Variants in ZBTB20 observed in about 807,000 individuals in gnomAD.
ZBTB20 encodes the protein zinc finger and BTB domain-containing protein 20.
Under a neutral mutation model 56.9 loss-of-function variants are expected in ZBTB20, and 9 were observed. The observed-to-expected ratio is 0.16, with a 90% CI of 0.10 to 0.28. ZBTB20 has a LOEUF of 0.28. ZBTB20 is among the 10% of genes least tolerant of loss of function. The pLI is 1.00. For missense variants in ZBTB20, 655 were observed against 1,003.0 expected (o/e 0.65, Z 4.69); for synonymous variants, 417 against 420.7 (o/e 0.99, Z 0.11).
At chr3:114,567,119 G>A (rs1395342754) in intron 6 of ZBTB20, among the ~76,000 whole-genome samples, 1 of 152,156 alleles carries the variant, frequency 6.6e-6, no homozygotes, top group African/African-American at 2.4e-5. Context: ...CACACAGGGT[G>A]TTATGTGTGT....
intron 5 of ZBTB20, among the ~76,000 whole-genome samples, chr3:114,752,122 A>C (rs993668570): frequency 8.5e-5 from 13 of 152,210 alleles, no homozygotes; most frequent in African/African-American, 2.9e-4. Flanking sequence ...ATATTACATG[A>C]GGTAAGTACC....
chr3:114,926,463 A>G (rs912410879), intron 3 of ZBTB20, among the ~76,000 whole-genome samples: 5 of 151,944 alleles, frequency 3.3e-5, no homozygotes, highest in Non-Finnish European at 5.9e-5. Context: ...AAGAAGCAAA[A>G]CTCTTGTATT....
At chr3:115,018,042 T>C (rs567857956) in intron 2 of ZBTB20, among the ~76,000 whole-genome samples, 2 of 151,674 alleles carry the variant, frequency 1.3e-5, no homozygotes, top group South Asian at 4.1e-4. Flanking sequence ...TTGTTGTTTT[T>C]TTAATCTCTT....
intron 1 of ZBTB20, among the ~76,000 whole-genome samples, chr3:115,128,479 C>A (rs183820680): frequency 2.0e-5 from 3 of 151,932 alleles, no homozygotes; most frequent in East Asian, 1.9e-4. Flanking sequence ...GCCTGGCCAA[C>A]ATGGTGAAAG....
intron 2 of ZBTB20, among the ~76,000 whole-genome samples, chr3:115,039,072 G>A (rs2081043552): frequency 6.6e-6 from 1 of 151,996 alleles, no homozygotes; most frequent in Non-Finnish European, 1.5e-5. Flanking sequence ...TCAACCATGT[G>A]ATATGGGTAC....
At chr3:114,403,860 C>T (rs888440792) in intron 7 of ZBTB20, among the ~76,000 whole-genome samples, 7 of 152,048 alleles carry the variant, frequency 4.6e-5, no homozygotes, top group African/African-American at 1.4e-4. Flanking sequence ...TCCCCAGCCA[C>T]GTTTGTAATC....
chr3:114,607,967 C>T (rs958293186), intron 6 of ZBTB20, among the ~76,000 whole-genome samples: 2 of 152,112 alleles, frequency 1.3e-5, no homozygotes, highest in Non-Finnish European at 2.9e-5. Flanking sequence ...TTTAACAGTA[C>T]AACTGAAGTG....
chr3:114,903,139 G>A (rs2075189723), intron 3 of ZBTB20, among the ~76,000 whole-genome samples: 1 of 152,098 alleles, frequency 6.6e-6, no homozygotes, highest in East Asian at 1.9e-4. Context: ...ATGAGGTAGG[G>A]TGGTAGTTAA....
intron 6 of ZBTB20, among the ~76,000 whole-genome samples, chr3:114,632,921 C>T (rs1476623719): frequency 6.6e-6 from 1 of 152,142 alleles, no homozygotes; most frequent in African/African-American, 2.4e-5. Context: ...GTGCAGTGCG[C>T]ACCTGTTTAA....
chr3:114,999,724 A>G (rs1290115545), intron 2 of ZBTB20, among the ~76,000 whole-genome samples: 1 of 151,602 alleles, frequency 6.6e-6, no homozygotes, highest in African/African-American at 2.4e-5. Context: ...GTTTCAAGCT[A>G]CATTTAAGTT....
At chr3:114,941,786 T>C (rs2076730327) in intron 3 of ZBTB20, among the ~76,000 whole-genome samples, 1 of 146,300 alleles carries the variant, frequency 6.8e-6, no homozygotes, top group African/African-American at 2.8e-5. Context: ...GTTCAAGTTT[T>C]ATTAAAACTG....
chr3:114,569,861 T>A (rs11712449), intron 6 of ZBTB20, among the ~76,000 whole-genome samples: 2 of 151,938 alleles, frequency 1.3e-5, no homozygotes, highest in Non-Finnish European at 2.9e-5. Context: ...ATTATTCTTG[T>A]CCATTCTCTC....
At chr3:115,123,704 C>A (rs1215112330) in intron 1 of ZBTB20, among the ~76,000 whole-genome samples, 2 of 152,200 alleles carry the variant, frequency 1.3e-5, no homozygotes, top group Non-Finnish European at 2.9e-5. Flanking sequence ...CACATCCAAT[C>A]CATCATTTCT....
intron 1 of ZBTB20, among the ~76,000 whole-genome samples, chr3:115,107,591 C>T (rs1348835996): frequency 6.6e-6 from 1 of 152,166 alleles, no homozygotes; most frequent in Non-Finnish European, 1.5e-5. Flanking sequence ...GTGGCGATTC[C>T]TCAAGGATCT....
rs539360566 is a variant in ZBTB20 at position 114,621,651 on chromosome 3, T to G, written c.-295+71877A>C. 7.8e-4 allele frequency among the ~76,000 whole-genome samples: 118 copies of G among 152,256 alleles called. 1 individual carries two copies. Among genetic ancestry groups the G allele is most frequent in the South Asian group, 2.7e-3 (13 of 4,824 alleles). On this transcript the variant is annotated intron_variant, in intron 6 of 11. Coordinates refer to ENST00000675478, the MANE Select transcript of ZBTB20 (RefSeq NM_001348800.3). ...CTGCGACTGCCTAATTAAATGAATA[T>G]AGCATATAGGAAGTACTTACAGCTA... is the stretch of plus-strand genomic sequence containing the variant.
intron 7 of ZBTB20, among the ~76,000 whole-genome samples, chr3:114,415,945 T>C (rs971308811): frequency 6.6e-6 from 1 of 152,110 alleles, no homozygotes; most frequent in African/African-American, 2.4e-5. Context: ...TAAGATTGCA[T>C]AAATAGCTCA....
chr3:114,520,426 A>G (rs575257490), intron 6 of ZBTB20, among the ~76,000 whole-genome samples: 2 of 152,292 alleles, frequency 1.3e-5, no homozygotes, highest in African/African-American at 4.8e-5. Flanking sequence ...TGAGGTATAC[A>G]ATTACTACAG....
At chr3:114,382,271 C>T (rs1576495353) in intron 8 of ZBTB20, among the ~76,000 whole-genome samples, 1 of 152,190 alleles carries the variant, frequency 6.6e-6, no homozygotes, top group Non-Finnish European at 1.5e-5. Context: ...TGATTGTTTA[C>T]TAACTGGCTC....
At position 114,503,843 on chromosome 3, in the gene ZBTB20, A is replaced by G. The variant is rs960552525; in HGVS notation, c.-294-3452T>C. On this transcript the variant is annotated intron_variant, in intron 6 of 11. Coordinates refer to ENST00000675478, the MANE Select transcript of ZBTB20 (RefSeq NM_001348800.3). ...CAAAAATATTATTAATTATAACTTT[A>G]AAGTCAATTCTAGTGTAGTTTATGT... Among the ~76,000 whole-genome samples, 5 of 152,204 alleles carry G rather than the reference A, an allele frequency of 3.3e-5. No homozygotes were observed. In the South Asian group the frequency reaches 8.3e-4, roughly 25 times the overall value.
Sources: gnomAD v4.1 joint callset for allele counts (sites outside exome capture counted in the v4.1 genomes callset) on GRCh38, gnomAD v4.1.1 for gene constraint, MANE v1.5 for transcripts, NCBI Gene and HGNC (gene_info 2026-07-23, HGNC 2026-07-21) for gene names.